The following KLC1 variants were observed in gnomAD, a reference collection of about 807,000 sequenced individuals.
KLC1 encodes kinesin 2 60/70kDa.
KLC1 carries 30 observed loss-of-function variants against 84.2 expected under a neutral mutation model. That is an observed-to-expected ratio of 0.36 (90% CI 0.27 to 0.48). The LOEUF is 0.48. KLC1 is among the 20% of genes least tolerant of loss of function. The pLI is 0.99. For synonymous variants in KLC1, 289 were observed against 293.3 expected, an observed-to-expected ratio of 0.99 and a Z score of 0.15; for missense variants, 499 against 805.4, an observed-to-expected ratio of 0.62 and a Z score of 4.60.
At chr14:103,639,164 C>A (rs1330124677) in intron 1 of KLC1, among the ~76,000 whole-genome samples, 1 of 152,060 alleles carries the variant, frequency 6.6e-6, no homozygotes, top group Non-Finnish European at 1.5e-5. Flanking sequence ...GATGCGAATT[C>A]TTCTTTCCTT....
intron 9 of KLC1, 98 bp downstream of exon 9, chr14:103,673,529 A>G: frequency 2.8e-6 from 2 of 718,254 alleles, no homozygotes; most frequent in Admixed American, 6.4e-5. Context: ...TTAAGCACTT[A>G]ACTTTGTACA....
In KLC1 at chr14:103,662,695, G is replaced by A; in HGVS notation, c.572-7G>A. The A allele has an allele frequency of 1.9e-6, 3 of 1,543,796 alleles. No individual in the cohort carries two copies. Among genetic ancestry groups the A allele is most frequent in the Non-Finnish European group, 2.6e-6 (3 of 1,146,288 alleles). On this transcript the variant is annotated splice_polypyrimidine_tract_variant and splice_region_variant and intron_variant, in intron 4 of 16. Coordinates refer to ENST00000334553, the MANE Select transcript of KLC1 (RefSeq NM_001394837.1). ...AAACCCATCTGAAGTGAACTTTCTC[G>A]GTGCAGTCCAGCAGCAGCACAGCAG... is the stretch of plus-strand genomic sequence containing the variant.
intron 3 of KLC1, among the ~76,000 whole-genome samples, chr14:103,661,271 C>T (rs943199755): frequency 3.3e-5 from 5 of 152,140 alleles, no homozygotes; most frequent in African/African-American, 1.2e-4. Context: ...TCACTGTGTC[C>T]CAGGGTCCAG....
chr14:103,696,111 C>G lies in KLC1; in HGVS notation c.1848+3686C>G, dbSNP rs969557205. ...CACTGCGCCCCCGCCCCCCGCCCCC[C>G]CCCACAGCAGCCGTGTGTGCAGCGC... On this transcript the variant is annotated intron_variant, in intron 15 of 16. Coordinates refer to ENST00000334553, the MANE Select transcript of KLC1 (RefSeq NM_001394837.1). 6.6e-6 allele frequency: 6 copies of G among 912,348 alleles called. No homozygotes were observed. In the African/African-American group the frequency reaches 7.6e-5, roughly 12 times the overall value. The allele number at this position is 912,348 out of a possible 1,614,324, so 56.5% of individuals were successfully genotyped here.
Position 103,670,272 on chromosome 14 carries a change from A to G in KLC1, c.976A>G (p.Ile326Val). Residue 326 changes from isoleucine to valine, a missense_variant, in exon 7 of 17, where the codon ATC (isoleucine) becomes GTC (valine). This residue lies in a region of KLC1 where 153 missense variants were observed against 332.4 expected (regional missense o/e 0.46). Transcript: ENST00000334553. ...GCCGTTGTGTAAAAGAGCTCTGGAA[A>G]TCCGAGAAAAGGTACAAAAGAAGGG... The part of the protein sequence containing the change: ...AEPLCKRALE[I>V]REKVLGKDHP... The G allele has an allele frequency of 6.2e-7, 1 of 1,610,390 alleles. No homozygotes were observed. Among genetic ancestry groups the G allele is most frequent in the Non-Finnish European group, 8.5e-7 (1 of 1,177,530 alleles).
At chr14:103,647,126 C>T (rs563443865) in intron 1 of KLC1, among the ~76,000 whole-genome samples, 3 of 152,150 alleles carry the variant, frequency 2.0e-5, no homozygotes, top group African/African-American at 7.2e-5. Flanking sequence ...TTGAATAATA[C>T]AAACATGCTA....
chr14:103,696,145 A>G (rs1326573044), intron 15 of KLC1: 1 of 938,140 alleles, frequency 1.1e-6, no homozygotes, highest in African/African-American at 2.4e-5. Flanking sequence ...GCCCGTCCCC[A>G]GCAACCATGG....
intron 14 of KLC1, among the ~76,000 whole-genome samples, chr14:103,689,079 G>A (rs1435615042): frequency 6.6e-6 from 1 of 152,092 alleles, no homozygotes; most frequent in African/African-American, 2.4e-5. Context: ...TCGCTTCCTT[G>A]GAATGATGTG....
At chr14:103,668,623 G>C (rs1047309869) in intron 5 of KLC1, among the ~76,000 whole-genome samples, 2 of 151,736 alleles carry the variant, frequency 1.3e-5, no homozygotes, top group African/African-American at 2.4e-5. Context: ...GACAACAGGC[G>C]CATGCTGCCA....
chr14:103,692,356 C>T lies in KLC1; in HGVS notation c.1782-3C>T. 1 of 1,536,598 alleles carries T rather than the reference C, an allele frequency of 6.5e-7. No individual in the cohort carries two copies. The highest frequency in any genetic ancestry group is 8.7e-7 in the Non-Finnish European group (1 of 1,146,972). Reference sequence around the variant, plus strand: ...TCCTTGCATGTCCGTGTCCGGGTTGCAGCATGAAGCGTGCCAGCTCTCTGA... The same window carrying T: ...TCCTTGCATGTCCGTGTCCGGGTTGTAGCATGAAGCGTGCCAGCTCTCTGA... On this transcript the variant is annotated splice_region_variant and splice_polypyrimidine_tract_variant and intron_variant, in intron 14 of 16. Transcript: ENST00000334553.
At chr14:103,683,734 C>G (rs1595542611) in intron 13 of KLC1, 1 of 152,374 alleles carries the variant, frequency 6.6e-6, no homozygotes, top group South Asian at 2.1e-4. Context: ...CTGCTGGGGC[C>G]TTCTGAAGCA....
At chr14:103,629,983 C>T (rs1201144132) in intron 1 of KLC1, among the ~76,000 whole-genome samples, 1 of 152,088 alleles carries the variant, frequency 6.6e-6, no homozygotes, top group Non-Finnish European at 1.5e-5. Context: ...CCTCCTCTTC[C>T]TTCCACCCCC....
In KLC1 at chr14:103,694,083, T is replaced by C. The variant is rs920964391; in HGVS notation, c.1848+1658T>C. 3 of 986,370 alleles carry C rather than the reference T, an allele frequency of 3.0e-6. No individual in the cohort carries two copies. Among genetic ancestry groups the C allele is most frequent in the Non-Finnish European group, 3.6e-6 (3 of 829,876 alleles). The allele number at this position is 986,370 out of a possible 1,614,324, so 61.1% of individuals were successfully genotyped here. A position where few individuals can be genotyped will look rare whatever the true frequency, so the allele number is the denominator to read the frequency against. On this transcript the variant is annotated intron_variant, in intron 15 of 16. Coordinates refer to ENST00000334553, the MANE Select transcript of KLC1 (RefSeq NM_001394837.1). The surrounding 1 kb of genome is among the most constrained non-coding windows in gnomAD (Gnocchi z 4.5). ...GATCTATGGCAGTAAAGCCTGAAGC[T>C]TAGCGGACACTGGTCAGTGGGAAGT...
intron 15 of KLC1, chr14:103,695,996 G>A: frequency 1.0e-6 from 1 of 985,336 alleles, no homozygotes; most frequent in Non-Finnish European, 1.2e-6. Context: ...GTGGGCCCAG[G>A]CATCCCTCCT....
rs903162937 is a variant in KLC1, at chr14:103,672,907, G to T, written c.988-107G>T. On this transcript the variant is annotated intron_variant, in intron 7 of 16. Coordinates refer to ENST00000334553, the MANE Select transcript of KLC1 (RefSeq NM_001394837.1). ...TTAAGGATTTAAATCTGAAAGTGTA[G>T]CACAGTCGTGCTTATGTTGAGGAAG... 4.2e-6 allele frequency: 4 copies of T among 950,840 alleles called. No individual in the cohort carries two copies. In the African/African-American group the frequency reaches 5.0e-5, roughly 12 times the overall value. 58.9% of individuals were successfully genotyped at this position (950,840 alleles called of 1,614,324 possible).
At chr14:103,649,562 CAAAAAAAAAAA>C (rs35297746) in intron 1 of KLC1, among the ~76,000 whole-genome samples, 1 of 75,772 alleles carries the variant, frequency 1.3e-5, no homozygotes, top group African/African-American at 5.7e-5. Context: ...GACCTCATCT[CAAAAAAAAAAA>C]AAAAAAAAAA....
chr14:103,691,966 C>T (rs974634280), intron 14 of KLC1, among the ~76,000 whole-genome samples: 3 of 152,102 alleles, frequency 2.0e-5, no homozygotes, highest in Non-Finnish European at 4.4e-5. Flanking sequence ...GATGGGGTTT[C>T]CCCATGTTAC....
At chr14:103,634,568 A>T (rs185150362) in intron 1 of KLC1, among the ~76,000 whole-genome samples, 49 of 152,192 alleles carry the variant, frequency 3.2e-4, no homozygotes, top group African/African-American at 1.1e-3. Context: ...GTCGGGTGTG[A>T]TGTCCATCTG....
chr14:103,692,750 ATTGT>A (rs1197545697), intron 15 of KLC1, among the ~76,000 whole-genome samples: 7 of 152,188 alleles, frequency 4.6e-5, no homozygotes, highest in Non-Finnish European at 7.3e-5. Context: ...AGTTTGTATG[ATTGT>A]TTGATTTTAG....
Sources: gnomAD v4.1 joint callset for allele counts (sites outside exome capture counted in the v4.1 genomes callset) on GRCh38, gnomAD v4.1.1 for gene constraint, gnomAD v4.1.1 regional missense constraint, Gnocchi (gnomAD v3.1) non-coding constraint, MANE v1.5 for transcripts, NCBI Gene and HGNC (gene_info 2026-07-23, HGNC 2026-07-21) for gene names.